LMBRD1: variants seen among roughly 807,000 people sequenced by gnomAD.
LMBRD1 encodes lysosomal cobalamin transport escort protein LMBD1.
LMBRD1 carries 64 observed loss-of-function variants against 74.8 expected under a neutral mutation model. The ratio of observed to expected loss-of-function variants is 0.86; its 90% CI spans 0.70 to 1.05. LMBRD1 has a LOEUF of 1.05. Among genes scored for constraint, LMBRD1 ranks in the 50% least tolerant of loss-of-function variants. LMBRD1 has a pLI of 0.00. For synonymous variants in LMBRD1, 204 were observed against 216.3 expected (o/e 0.94, Z 0.50); for missense variants, 652 against 645.9 (o/e 1.01, Z -0.10).
intron 6 of LMBRD1, among the ~76,000 whole-genome samples, chr6:69,740,112 T>C (rs1767068505): frequency 1.3e-5 from 2 of 151,646 alleles, no homozygotes; most frequent in South Asian, 4.2e-4. Context: ...TCTCAATCAA[T>C]CAATCAATCA....
At chr6:69,703,213 T>C (rs2149846186) in intron 9 of LMBRD1, among the ~76,000 whole-genome samples, 1 of 152,162 alleles carries the variant, frequency 6.6e-6, no homozygotes, top group East Asian at 1.9e-4. Flanking sequence ...TAGTAGAGGG[T>C]ATAAAGGAGT....
At position 69,700,862 on chromosome 6, in the gene LMBRD1, G is replaced by A; in HGVS notation, c.1091C>T (p.Pro364Leu). The A allele has an allele frequency of 7.1e-7, 1 of 1,398,832 alleles. No homozygotes were observed. The highest frequency in any genetic ancestry group is 2.6e-5 in the East Asian group (1 of 39,190). The allele number at this position is 1,398,832 out of a possible 1,614,324, so 86.7% of individuals were successfully genotyped here. A position where few individuals can be genotyped will look rare whatever the true frequency, so the allele number is the denominator to read the frequency against. ...AATTGTTATAAGAATATAATCAAGA[G>A]GGAAAACCTGAAAAAAAAAGATGAA... ...MLLPLLQTVF[P>L]LDYILITIII... The change falls in exon 12 of 16, where the codon CCT (proline) becomes CTT (leucine). Residue 364 changes from proline to leucine, a missense_variant. This residue lies in a region of LMBRD1 where 598 missense variants were observed against 581.8 expected (regional missense o/e 1.03). Coordinates refer to ENST00000649934, the MANE Select transcript of LMBRD1 (RefSeq NM_018368.4).
chr6:69,750,638 G>A (rs1004463562), intron 4 of LMBRD1, among the ~76,000 whole-genome samples: 1 of 152,072 alleles, frequency 6.6e-6, no homozygotes, highest in African/African-American at 2.4e-5. Flanking sequence ...AAAAGGTAAA[G>A]AAGATCCTAA....
chr6:69,730,864 C>A (rs563486632), intron 7 of LMBRD1, among the ~76,000 whole-genome samples: 20 of 152,164 alleles, frequency 1.3e-4, no homozygotes, highest in African/African-American at 4.6e-4. Context: ...AAGCATTTTT[C>A]TGCTTAGGTA....
intron 3 of LMBRD1, among the ~76,000 whole-genome samples, chr6:69,757,933 A>C (rs1044301462): frequency 1.3e-5 from 2 of 152,218 alleles, no homozygotes; most frequent in African/African-American, 4.8e-5. Context: ...CCTCATGTCC[A>C]TAGAAATTGA....
chr6:69,736,608 T>C (rs559174661), intron 7 of LMBRD1, among the ~76,000 whole-genome samples: 1 of 152,294 alleles, frequency 6.6e-6, no homozygotes, highest in East Asian at 1.9e-4. Context: ...TATTTTTTTC[T>C]CCTGACTTAT....
intron 3 of LMBRD1, among the ~76,000 whole-genome samples, chr6:69,757,621 C>T (rs1765294966): frequency 6.6e-6 from 1 of 152,078 alleles, no homozygotes; most frequent in African/African-American, 2.4e-5. Context: ...ATGATCAGTT[C>T]TAATGTCAAG....
chr6:69,683,517 GAA>G (rs1765703752), intron 14 of LMBRD1, among the ~76,000 whole-genome samples: 1 of 152,038 alleles, frequency 6.6e-6, no homozygotes, highest in Admixed American at 6.5e-5. Flanking sequence ...GCACTTCTTA[GAA>G]ATAGTTCGAT....
At chr6:69,754,096 G>T (rs7743613) in intron 3 of LMBRD1, among the ~76,000 whole-genome samples, 54,763 of 151,910 alleles carry the variant, frequency 0.36, 10,458 homozygotes, top group East Asian at 0.54. Flanking sequence ...GTAGTCAAAA[G>T]CAAGGACACA....
intron 6 of LMBRD1, among the ~76,000 whole-genome samples, chr6:69,740,708 G>GA (rs1174720124): frequency 6.6e-6 from 1 of 152,130 alleles, no homozygotes; most frequent in Non-Finnish European, 1.5e-5. Context: ...GCTGATTAAA[G>GA]AATGTACAGT....
chr6:69,753,490 A>C (rs184277989), intron 3 of LMBRD1, among the ~76,000 whole-genome samples: 10 of 152,320 alleles, frequency 6.6e-5, no homozygotes, highest in Admixed American at 3.9e-4. Context: ...GCTGGTGGGA[A>C]TATAAAATGG....
chr6:69,730,720 T>A (rs189493591), intron 7 of LMBRD1, among the ~76,000 whole-genome samples: 165 of 152,182 alleles, frequency 1.1e-3, no homozygotes, highest in African/African-American at 3.8e-3. Flanking sequence ...AATGTGTAAG[T>A]CAGGAGAAAG....
intron 3 of LMBRD1, among the ~76,000 whole-genome samples, chr6:69,756,378 A>G (rs951090507): frequency 6.6e-6 from 1 of 151,618 alleles, no homozygotes; most frequent in African/African-American, 2.4e-5. Context: ...AAAAAAAAAG[A>G]AAAAGAAAAT....
chr6:69,785,280 T>G (rs913688276), intron 2 of LMBRD1, among the ~76,000 whole-genome samples: 4 of 152,310 alleles, frequency 2.6e-5, no homozygotes, highest in Admixed American at 2.0e-4. Context: ...CAGTCCTCGG[T>G]CCAGTGTCAA....
intron 6 of LMBRD1, among the ~76,000 whole-genome samples, chr6:69,741,012 T>C (rs1285980423): frequency 6.6e-6 from 1 of 152,112 alleles, no homozygotes; most frequent in Non-Finnish European, 1.5e-5. Context: ...GGTAAATTTA[T>C]AATAAAACAT....
intron 4 of LMBRD1, among the ~76,000 whole-genome samples, chr6:69,751,238 T>C (rs1765141095): frequency 6.6e-6 from 1 of 152,216 alleles, no homozygotes; most frequent in African/African-American, 2.4e-5. Flanking sequence ...ACTATTATTT[T>C]AGTTGTTTAT....
At chr6:69,789,164 G>A (rs759385874) in intron 2 of LMBRD1, among the ~76,000 whole-genome samples, 2 of 152,154 alleles carry the variant, frequency 1.3e-5, no homozygotes, top group African/African-American at 2.4e-5. Flanking sequence ...AGCAATCAGA[G>A]TATATCTAAT....
intron 14 of LMBRD1, among the ~76,000 whole-genome samples, chr6:69,689,913 C>T (rs568718982): frequency 3.3e-5 from 5 of 152,068 alleles, no homozygotes; most frequent in South Asian, 2.1e-4. Context: ...TACAATAGTT[C>T]CTCAATATCC....
chr6:69,759,378 T>C (rs1765330130), intron 3 of LMBRD1, among the ~76,000 whole-genome samples: 1 of 151,912 alleles, frequency 6.6e-6, no homozygotes, highest in South Asian at 2.1e-4. Context: ...AAAGAAAAAT[T>C]ACAGACCAGT....
Sources: gnomAD v4.1 joint callset for allele counts (sites outside exome capture counted in the v4.1 genomes callset) on GRCh38, gnomAD v4.1.1 for gene constraint, gnomAD v4.1.1 regional missense constraint, MANE v1.5 for transcripts, NCBI Gene and HGNC (gene_info 2026-07-23, HGNC 2026-07-21) for gene names.